AK3: variants seen among roughly 807,000 people sequenced by gnomAD.
AK3 encodes the protein GTP:AMP phosphotransferase AK3, mitochondrial.
Under a neutral mutation model 23.7 loss-of-function variants are expected in AK3, and 27 were observed. The observed-to-expected ratio is 1.14, with a 90% CI of 0.84 to 1.57. The LOEUF is 1.57. Among genes scored for constraint, AK3 ranks in the 40% most tolerant of loss-of-function variants. The probability of loss-of-function intolerance (pLI) is 0.00; values close to 1 mark genes in which losing one functional copy is unlikely to be tolerated. For missense variants in AK3, 406 were observed against 285.6 expected, an observed-to-expected ratio of 1.42 and a Z score of -3.04; for synonymous variants, 159 against 116.0, an observed-to-expected ratio of 1.37 and a Z score of -2.38.
intron 2 of AK3, 86 bp downstream of exon 2, chr9:4,722,419 AC>A (rs1375803135): frequency 1.9e-6 from 3 of 1,583,104 alleles, no homozygotes; most frequent in Non-Finnish European, 2.6e-6. Flanking sequence ...ACCATCCTTG[AC>A]GTCTGTCTGA....
In AK3 at chr9:4,710,435, G is replaced by A. The variant is rs922307092; in HGVS notation, c.*2541C>T. The A allele has an allele frequency of 6.8e-6, 1 of 147,658 alleles. No homozygotes were observed. The highest frequency in any genetic ancestry group is 6.8e-5 in the Admixed American group (1 of 14,746). The allele number at this position is 147,658 out of a possible 1,614,324, so 9.1% of individuals were successfully genotyped here. A position where few individuals can be genotyped will look rare whatever the true frequency, so the allele number is the denominator to read the frequency against. ...GGGGTTTCACCGTGTTAGCCAGGAT[G>A]GTCTCGATCTCCTGACCTCGTGATC... On this transcript the variant is annotated 3_prime_UTR_variant, in exon 5 of 5. Transcript: ENST00000381809.
Position 4,719,061 on chromosome 9 carries a change from C to G in AK3, c.444+74G>C, listed in dbSNP as rs550913308. ...TTTGGTCAGAGGATTTCCAAGTTCA[C>G]TCAACTTATGTCTGTTAGGGCAAGA... is the stretch of plus-strand genomic sequence containing the variant. On this transcript the variant is annotated intron_variant, in intron 3 of 4. Coordinates refer to ENST00000381809, the MANE Select transcript of AK3 (RefSeq NM_016282.4). The G allele has an allele frequency of 1.9e-5, 29 of 1,546,814 alleles. No homozygotes were observed. The East Asian group carries it at 5.9e-4, about 31-fold the overall frequency.
At chr9:4,719,910 C>T (rs942091558) in intron 2 of AK3, among the ~76,000 whole-genome samples, 3 of 151,968 alleles carry the variant, frequency 2.0e-5, no homozygotes, top group African/African-American at 7.3e-5. Flanking sequence ...TACAAAAATA[C>T]AAAAATTAGC....
At chr9:4,723,930 C>A (rs1159463241) in intron 1 of AK3, among the ~76,000 whole-genome samples, 3 of 151,574 alleles carry the variant, frequency 2.0e-5, no homozygotes. Flanking sequence ...ATTTTCCTAA[C>A]TGTTGGTATG....
intron 1 of AK3, among the ~76,000 whole-genome samples, chr9:4,738,179 T>C (rs1030175546): frequency 6.6e-6 from 1 of 152,250 alleles, no homozygotes; most frequent in Non-Finnish European, 1.5e-5. Flanking sequence ...ACATCTTTTT[T>C]TTTGAGACAG....
In AK3 at chr9:4,712,699, T is replaced by A. The variant is rs1392792290; in HGVS notation, c.*277A>T. On this transcript the variant is annotated 3_prime_UTR_variant, in exon 5 of 5. Coordinates refer to ENST00000381809, the MANE Select transcript of AK3 (RefSeq NM_016282.4). ...AAAAAGTTAGATTACTACCAAATGC[T>A]CTTTTAATTTTGCTCTAACAGATGT... The A allele has an allele frequency of 1.4e-5, 3 of 216,168 alleles. No homozygotes were observed. Among genetic ancestry groups the A allele is most frequent in the Non-Finnish European group, 2.7e-5 (3 of 110,972 alleles). 13.4% of individuals were successfully genotyped at this position (216,168 alleles called of 1,614,324 possible).
intron 1 of AK3, among the ~76,000 whole-genome samples, chr9:4,730,709 T>A (rs1842133138): frequency 6.6e-6 from 1 of 152,186 alleles, no homozygotes; most frequent in Admixed American, 6.5e-5. Flanking sequence ...TATCATGAAC[T>A]TTTTTATGTT....
chr9:4,716,845 T>A (rs904601479), intron 4 of AK3, among the ~76,000 whole-genome samples: 1 of 152,132 alleles, frequency 6.6e-6, no homozygotes, highest in Admixed American at 6.5e-5. Flanking sequence ...ACAGGAGAAT[T>A]GCTTGAGCCC....
chr9:4,717,697 A>C lies in AK3; in HGVS notation c.563+722T>G, dbSNP rs75819223. On this transcript the variant is annotated intron_variant, in intron 4 of 4. Transcript: ENST00000381809. ...GCTTTTCAATTTCAGTACAATATTC[A>C]GTAAATTATGTGAGATATTCAACAC... Among the ~76,000 whole-genome samples, 1,204 of 152,362 alleles carry C rather than the reference A, an allele frequency of 7.9e-3. 17 individuals carry two copies. Among genetic ancestry groups the C allele is most frequent in the African/African-American group, 0.027 (1,126 of 41,586 alleles).
In AK3 at chr9:4,713,026, G is replaced by A; in HGVS notation, c.634C>T (p.Leu212=). The A allele has an allele frequency of 2.5e-6, 4 of 1,613,712 alleles. No homozygotes were observed. Among genetic ancestry groups the A allele is most frequent in the South Asian group, 2.2e-5 (2 of 91,062 alleles). The part of the protein sequence containing the change: ...NKIWPYVYAF[L]QTKVPQRSQK... Reference sequence around the variant, plus strand: ...CTTCTTTGTGGAACTTTAGTTTGTAGGAAAGCATATACATAGGGCCAAATC... The same window carrying A: ...CTTCTTTGTGGAACTTTAGTTTGTAAGAAAGCATATACATAGGGCCAAATC... Residue 212 remains leucine (L), a synonymous_variant, in exon 5 of 5, where the codon CTA becomes TTA. Coordinates refer to ENST00000381809, the MANE Select transcript of AK3 (RefSeq NM_016282.4).
chr9:4,737,251 AAAAT>A (rs929396670), intron 1 of AK3, among the ~76,000 whole-genome samples: 16 of 152,058 alleles, frequency 1.1e-4, no homozygotes, highest in Non-Finnish European at 2.1e-4. Context: ...ATTCTGCTTT[AAAAT>A]AAATAAAAAG....
chr9:4,722,443 G>A (rs1217219099), intron 2 of AK3, 63 bp downstream of exon 2: 3 of 1,609,196 alleles, frequency 1.9e-6, no homozygotes, highest in East Asian at 4.5e-5. Flanking sequence ...CCCATGAAAT[G>A]CTCATTCTCC....
Position 4,719,255 on chromosome 9 carries a change from G to T in AK3, c.324C>A (p.Ile108=). ...QAEALDRAYQ[I]DTVINLNVPF... ...GCACATTCAGGTTAATCACTGTGTC[G>T]ATCTGATAAGCTCTATCTAGGGCTT... The change falls in exon 3 of 5, where the codon ATC becomes ATA. Residue 108 remains isoleucine, a synonymous_variant. Coordinates refer to ENST00000381809, the MANE Select transcript of AK3 (RefSeq NM_016282.4). 1 of 1,594,622 alleles carries T rather than the reference G, an allele frequency of 6.3e-7. No individual in the cohort carries two copies. The highest frequency in any genetic ancestry group is 8.6e-7 in the Non-Finnish European group (1 of 1,168,706).
chr9:4,722,564 C>A lies in AK3; in HGVS notation c.213G>T (p.Met71Ile), dbSNP rs750302001. The A allele has an allele frequency of 6.2e-7, 1 of 1,614,194 alleles. No homozygotes were observed. Among genetic ancestry groups the A allele is most frequent in the Non-Finnish European group, 8.5e-7 (1 of 1,180,036 alleles). The change falls in exon 2 of 5, where the codon ATG becomes ATT. Residue 71 changes from methionine (M) to isoleucine (I), a missense_variant. By Grantham distance (10) the Met-to-Ile change is conservative. Coordinates refer to ENST00000381809, the MANE Select transcript of AK3 (RefSeq NM_016282.4). ...TCAGCTCATGAAGGGCCAGCCGAGT[C>A]ATGACATCATCTGGGATGAGTTTCC... ...DQGKLIPDDV[M>I]TRLALHELKN... is the part of the protein sequence containing the mutation.
At chr9:4,724,571 C>T (rs187704493) in intron 1 of AK3, among the ~76,000 whole-genome samples, 78 of 152,138 alleles carry the variant, frequency 5.1e-4, no homozygotes, top group African/African-American at 9.6e-4. Context: ...CTAAAGCCAA[C>T]GGTTTGAGAC....
chr9:4,733,036 T>A (rs1193022909), intron 1 of AK3, among the ~76,000 whole-genome samples: 1 of 151,880 alleles, frequency 6.6e-6, no homozygotes, highest in South Asian at 2.1e-4. Context: ...TTTGTAGAGA[T>A]AGGGGTCTCA....
chr9:4,719,748 A>G (rs1237404861), intron 2 of AK3, among the ~76,000 whole-genome samples: 1 of 152,086 alleles, frequency 6.6e-6, no homozygotes, highest in African/African-American at 2.4e-5. Context: ...TTTAAACTCA[A>G]ACTGAACTCA....
intron 1 of AK3, among the ~76,000 whole-genome samples, chr9:4,723,371 G>T (rs16921989): frequency 0.048 from 7,378 of 152,256 alleles, 240 homozygotes; most frequent in Admixed American, 0.067. Flanking sequence ...TCATGTTATT[G>T]GAGAGACTTT....
chr9:4,740,899 T>G, intron 1 of AK3, 38 bp downstream of exon 1: 3 of 1,468,492 alleles, frequency 2.0e-6, no homozygotes, highest in Non-Finnish European at 2.7e-6. Flanking sequence ...CCGACCCGGG[T>G]GACAGCGCAC....
Sources: gnomAD v4.1 joint callset for allele counts (sites outside exome capture counted in the v4.1 genomes callset) on GRCh38, gnomAD v4.1.1 for gene constraint, MANE v1.5 for transcripts, NCBI Gene and HGNC (gene_info 2026-07-23, HGNC 2026-07-21) for gene names.